Variants in ADGRF4 observed in about 807,000 individuals in gnomAD.
ADGRF4 encodes adhesion G protein-coupled receptor F4, also known as G-protein coupled receptor PGR18.
Under a neutral mutation model 58.5 loss-of-function variants are expected in ADGRF4, and 63 were observed. The observed-to-expected ratio is 1.08, with a 90% CI of 0.88 to 1.33. ADGRF4 has a LOEUF of 1.33. Ranked by LOEUF, ADGRF4 falls within the 40% of genes most tolerant of loss-of-function variation. The pLI is 0.00. For synonymous variants in ADGRF4, 313 were observed against 295.4 expected (o/e 1.06, Z -0.61); for missense variants, 931 against 843.9 (o/e 1.10, Z -1.28).
rs76040199 is a variant in ADGRF4 at position 47,715,827 on chromosome 6, T to C, written c.1932+650T>C. ...TCCTATTAACATGTCAGTATCATTC[T>C]GTTTAAAAGCATGATACAAAATAGA... On this transcript the variant is annotated intron_variant, in intron 6 of 9. Transcript: ENST00000283303. Among the ~76,000 whole-genome samples, 661 of 152,334 alleles carry C rather than the reference T, an allele frequency of 4.3e-3. 3 individuals are homozygous for C. Among genetic ancestry groups the C allele is most frequent in the African/African-American group, 0.014 (576 of 41,582 alleles).
intron 4 of ADGRF4, 86 bp from the exon 5 acceptor site, chr6:47,712,271 C>T (rs1244613912): frequency 7.6e-7 from 1 of 1,311,958 alleles, no homozygotes; most frequent in East Asian, 2.3e-5. Context: ...CTACCTTACC[C>T]ATGTAGATTG....
chr6:47,720,932 C>G lies in ADGRF4; in HGVS notation c.*4-277C>G, dbSNP rs186179714. 4.3e-3 allele frequency among the ~76,000 whole-genome samples: 658 copies of G among 152,114 alleles called. 2 individuals are homozygous for G. Among genetic ancestry groups the G allele is most frequent in the African/African-American group, 0.014 (573 of 41,484 alleles). ...TAGAATCCAAGTTCAGACAGCAGAG[C>G]GGGAGAGAGGGCACTGAGCACCGAG... On this transcript the variant is annotated intron_variant, in intron 9 of 9. Coordinates refer to ENST00000283303, the MANE Select transcript of ADGRF4 (RefSeq NM_153838.5).
At position 47,714,265 on chromosome 6, in the gene ADGRF4, T is replaced by C; in HGVS notation, c.1020T>C (p.Asn340=). 2 of 1,614,052 alleles carry C rather than the reference T, an allele frequency of 1.2e-6. No homozygotes were observed. The highest frequency in any genetic ancestry group is 1.7e-6 in the Non-Finnish European group (2 of 1,180,002). The stretch of plus-strand genomic sequence containing the variant: ...TCATACTCACCTTCGAAAAGATCAA[T>C]AAAACCCGCAATGCCAGAGCCCAGT... ...QEIILTFEKI[N]KTRNARAQCV... The change falls in exon 6 of 10, where the codon AAT becomes AAC. Residue 340 remains asparagine (N), a synonymous_variant. Coordinates refer to ENST00000283303, the MANE Select transcript of ADGRF4 (RefSeq NM_153838.5).
At chr6:47,718,162 G>A (rs184398745) in intron 8 of ADGRF4, among the ~76,000 whole-genome samples, 5 of 152,282 alleles carry the variant, frequency 3.3e-5, no homozygotes, top group Admixed American at 3.3e-4. Flanking sequence ...GCATGTCATA[G>A]TTTAGTTGGA....
intron 4 of ADGRF4, among the ~76,000 whole-genome samples, chr6:47,711,833 T>A (rs1341563923): frequency 1.3e-5 from 2 of 152,178 alleles, no homozygotes; most frequent in African/African-American, 2.4e-5. Flanking sequence ...CACCTAGAAG[T>A]CCTTGCAACT....
At chr6:47,710,208 G>A (rs919208386) in intron 3 of ADGRF4, among the ~76,000 whole-genome samples, 5 of 152,134 alleles carry the variant, frequency 3.3e-5, no homozygotes, top group Non-Finnish European at 5.9e-5. Context: ...TATTCATGGT[G>A]ACTTTATAGA....
Position 47,713,953 on chromosome 6 carries a change from T to G in ADGRF4, c.708T>G (p.Asn236Lys). 2 of 1,607,514 alleles carry G rather than the reference T, an allele frequency of 1.2e-6. No homozygotes were observed. The highest frequency in any genetic ancestry group is 1.1e-5 in the South Asian group (1 of 89,754). Residue 236 changes from asparagine (N) to lysine (K), a missense_variant, in exon 6 of 10, where the codon AAT becomes AAG. Transcript: ENST00000283303. ...HIHNNSENIVNELFIQTKGFH... is the reference protein window; with the variant it reads ...HIHNNSENIVKELFIQTKGFH... Reference sequence around the variant, plus strand: ...ACAATAATTCTGAGAACATTGTGAATGAACTCTTCATTCAGACAAAAGGGT... The same window carrying G: ...ACAATAATTCTGAGAACATTGTGAAGGAACTCTTCATTCAGACAAAAGGGT...
At position 47,704,712 on chromosome 6, in the gene ADGRF4, T is replaced by C. The variant is rs553213142; in HGVS notation, c.-16-2518T>C. 1.3e-4 allele frequency among the ~76,000 whole-genome samples: 20 copies of C among 152,286 alleles called. No homozygotes were observed. The East Asian group carries it at 1.7e-3, about 13-fold the overall frequency. ...GTATTTGAGAGAATGTCAAATAGAA[T>C]AGAGAAGAATGTAAGATAAAAATAT... On this transcript the variant is annotated intron_variant, in intron 1 of 9. Coordinates refer to ENST00000283303, the MANE Select transcript of ADGRF4 (RefSeq NM_153838.5).
At chr6:47,715,216 C>T (rs906762854) in intron 6 of ADGRF4, 39 bp downstream of exon 6, 1 of 1,384,598 alleles carries the variant, frequency 7.2e-7, no homozygotes, top group African/African-American at 1.4e-5. Context: ...GTTACTCCGA[C>T]TAGACCACAA....
intron 1 of ADGRF4, among the ~76,000 whole-genome samples, chr6:47,702,853 T>C (rs912156441): frequency 3.3e-5 from 5 of 152,250 alleles, no homozygotes; most frequent in African/African-American, 1.2e-4. Context: ...GTCTGGATTC[T>C]CCACATAGGA....
rs140131042 is a variant in ADGRF4 at position 47,702,058 on chromosome 6, C to G, written c.-17+3264C>G. Among the ~76,000 whole-genome samples, 1,456 of 152,280 alleles carry G rather than the reference C, an allele frequency of 9.6e-3. 26 individuals are homozygous for G. The highest frequency in any genetic ancestry group is 0.032 in the African/African-American group (1,338 of 41,534). ...TTCACCATGTTGGTCAGGCTGATCT[C>G]AAACTCCTGGTCTTAGGTGGTCCAC... On this transcript the variant is annotated intron_variant, in intron 1 of 9. Transcript: ENST00000283303.
chr6:47,720,606 C>G (rs1187710191), intron 9 of ADGRF4, among the ~76,000 whole-genome samples: 5 of 152,036 alleles, frequency 3.3e-5, no homozygotes, highest in Non-Finnish European at 5.9e-5. Context: ...CATTGGGAAC[C>G]CCATTCTGGG....
chr6:47,714,087 G>C lies in ADGRF4; in HGVS notation c.842G>C (p.Arg281Thr), dbSNP rs1771938354. The change falls in exon 6 of 10, where the codon AGG becomes ACG. Residue 281 changes from arginine to threonine, a missense_variant. Physicochemically the swap from Arg to Thr is moderately conservative, Grantham distance 71 (BLOSUM62 -1). Coordinates refer to ENST00000283303, the MANE Select transcript of ADGRF4 (RefSeq NM_153838.5). ...GTACAGATTCCCAGGCAAGAGCTAA[G>C]GAAGCTGTGGCCAAATGCATCCCAA... ...GMVQIPRQEL[R>T]KLWPNASQAI... 6.2e-7 allele frequency: 1 copy of C among 1,613,952 alleles called. No individual in the cohort carries two copies.
chr6:47,705,515 C>T (rs1771688994), intron 1 of ADGRF4, among the ~76,000 whole-genome samples: 1 of 152,192 alleles, frequency 6.6e-6, no homozygotes, highest in Non-Finnish European at 1.5e-5. Context: ...CTTTCCTTTG[C>T]TCAGACTTGC....
At chr6:47,720,638 G>A (rs1025447164) in intron 9 of ADGRF4, among the ~76,000 whole-genome samples, 10 of 152,134 alleles carry the variant, frequency 6.6e-5, no homozygotes, top group Non-Finnish European at 1.3e-4. Context: ...AGAGGGCCAC[G>A]GCATTCTGTT....
At chr6:47,705,038 C>T (rs1267881465) in intron 1 of ADGRF4, among the ~76,000 whole-genome samples, 1 of 152,144 alleles carries the variant, frequency 6.6e-6, no homozygotes, top group Non-Finnish European at 1.5e-5. Flanking sequence ...CAGCGATTCT[C>T]CTGCCTCAGC....
At chr6:47,705,555 C>A (rs571302505) in intron 1 of ADGRF4, among the ~76,000 whole-genome samples, 24 of 152,330 alleles carry the variant, frequency 1.6e-4, no homozygotes, top group African/African-American at 5.3e-4. Flanking sequence ...AATAAACACA[C>A]CTTCCCCTCT....
chr6:47,701,648 C>A (rs1356163038), intron 1 of ADGRF4, among the ~76,000 whole-genome samples: 1 of 152,124 alleles, frequency 6.6e-6, no homozygotes, highest in Non-Finnish European at 1.5e-5. Flanking sequence ...GTCACCCAAG[C>A]TTTGCTGTGA....
Position 47,715,143 on chromosome 6 carries a change from T to G in ADGRF4, c.1898T>G (p.Phe633Cys). The change falls in exon 6 of 10, where the codon TTC becomes TGC. Residue 633 changes from phenylalanine to cysteine, a missense_variant. Coordinates refer to ENST00000283303, the MANE Select transcript of ADGRF4 (RefSeq NM_153838.5). ...CTCATAGAAGGCACTTCCTTGACGT[T>G]CCATATAATTTTTGCCTTGCTCAAT... Reference protein sequence around the residue: ...ATLIEGTSLTFHIIFALLNAF... With the variant: ...ATLIEGTSLTCHIIFALLNAF... 1 of 1,592,062 alleles carries G rather than the reference T, an allele frequency of 6.3e-7. No individual in the cohort carries two copies. Among genetic ancestry groups the G allele is most frequent in the South Asian group, 1.1e-5 (1 of 90,160 alleles).
Sources: gnomAD v4.1 joint callset for allele counts (sites outside exome capture counted in the v4.1 genomes callset) on GRCh38, gnomAD v4.1.1 for gene constraint, MANE v1.5 for transcripts, NCBI Gene and HGNC (gene_info 2026-07-23, HGNC 2026-07-21) for gene names.